The following CNTNAP2 variants were observed in gnomAD, a reference collection of about 807,000 sequenced individuals.
The protein encoded by CNTNAP2 is contactin associated protein 2.
Under a neutral mutation model 155.2 loss-of-function variants are expected in CNTNAP2, and 98 were observed. The ratio of observed to expected loss-of-function variants is 0.63; its 90% CI spans 0.54 to 0.75. The LOEUF (loss-of-function observed/expected upper bound fraction) is 0.75. Ranked by LOEUF, CNTNAP2 falls within the 30% of genes least tolerant of loss-of-function variation. CNTNAP2 has a pLI of 0.00. For synonymous variants in CNTNAP2, 651 were observed against 631.2 expected, an observed-to-expected ratio of 1.03 and a Z score of -0.47; for missense variants, 1,727 against 1,688.1, an observed-to-expected ratio of 1.02 and a Z score of -0.40.
intron 12 of CNTNAP2, among the ~76,000 whole-genome samples, chr7:147,604,751 C>A (rs914163646): frequency 2.0e-5 from 3 of 152,154 alleles, no homozygotes; most frequent in Admixed American, 2.0e-4. Flanking sequence ...ACAAGGGGGT[C>A]ATGTTGTGTA....
chr7:147,935,826 T>C (rs1800597565), intron 14 of CNTNAP2, among the ~76,000 whole-genome samples: 1 of 152,232 alleles, frequency 6.6e-6, no homozygotes, highest in Non-Finnish European at 1.5e-5. Flanking sequence ...AACAACTATA[T>C]GTTTACTCTC....
At chr7:146,337,004 C>A (rs7794540) in intron 1 of CNTNAP2, among the ~76,000 whole-genome samples, 40,343 of 152,044 alleles carry the variant, frequency 0.27, 12,998 homozygotes, top group African/African-American at 0.77. Context: ...GTGCCTATAC[C>A]TTACACATGT....
intron 1 of CNTNAP2, among the ~76,000 whole-genome samples, chr7:146,185,738 C>G (rs1417131427): frequency 6.7e-6 from 1 of 149,884 alleles, no homozygotes; most frequent in Non-Finnish European, 1.5e-5. Context: ...ATATTATTTT[C>G]AGGGAGTGAA....
intron 9 of CNTNAP2, among the ~76,000 whole-genome samples, chr7:147,391,585 G>T (rs532747431): frequency 1.3e-5 from 2 of 151,974 alleles, no homozygotes; most frequent in African/African-American, 4.8e-5. Context: ...ATTATATAAA[G>T]ATAAGCTCCC....
Position 146,729,614 on chromosome 7 carries a change from AATATAG to A in CNTNAP2, c.98-44639_98-44634del, listed in dbSNP as rs528318510. ...GTATTTCTACCAGATGTGTGTATTA[AATATAG>A]ATATAGATATAGATATAATAAAACA... On this transcript the variant is annotated intron_variant, in intron 1 of 23. Transcript: ENST00000361727. Among the ~76,000 whole-genome samples, 56 of 152,080 alleles carry A rather than the reference AATATAG, an allele frequency of 3.7e-4. 1 individual carries two copies. Among genetic ancestry groups the A allele is most frequent in the South Asian group, 1.5e-3 (7 of 4,820 alleles).
In CNTNAP2 at chr7:146,237,733, T is replaced by C. The variant is rs149772366; in HGVS notation, c.97+120760T>C. On this transcript the variant is annotated intron_variant, in intron 1 of 23. Transcript: ENST00000361727. Reference sequence around the variant, plus strand: ...CCATAAATTTCTGATATGAAATACATTTAAGAAATACCAATATGAGGGCAA... The same window carrying C: ...CCATAAATTTCTGATATGAAATACACTTAAGAAATACCAATATGAGGGCAA... 2.2e-3 allele frequency among the ~76,000 whole-genome samples: 326 copies of C among 151,234 alleles called. 6 individuals carry two copies. Among genetic ancestry groups the C allele is most frequent in the African/African-American group, 5.6e-3 (230 of 40,878 alleles).
intron 1 of CNTNAP2, among the ~76,000 whole-genome samples, chr7:146,457,542 C>G (rs1174807256): frequency 9.0e-6 from 1 of 110,926 alleles, no homozygotes; most frequent in Non-Finnish European, 1.8e-5. Context: ...ATATAGTCAC[C>G]CAGGCTGGAG....
chr7:146,960,149 A>G (rs191435514), intron 3 of CNTNAP2, among the ~76,000 whole-genome samples: 1 of 152,044 alleles, frequency 6.6e-6, no homozygotes, highest in Non-Finnish European at 1.5e-5. Context: ...AGTTCTCCTA[A>G]CTTATGCCAT....
intron 1 of CNTNAP2, among the ~76,000 whole-genome samples, chr7:146,507,182 C>T (rs1362534226): frequency 1.3e-5 from 2 of 152,170 alleles, no homozygotes; most frequent in Non-Finnish European, 2.9e-5. Flanking sequence ...CCCTTCCTGT[C>T]ACACTCTCAC....
intron 9 of CNTNAP2, among the ~76,000 whole-genome samples, chr7:147,346,510 C>T (rs2116869525): frequency 6.6e-6 from 1 of 152,290 alleles, no homozygotes; most frequent in East Asian, 1.9e-4. Flanking sequence ...CAATCCTATT[C>T]TTTCTGGCTA....
chr7:147,667,818 A>T (rs7806108), intron 13 of CNTNAP2, among the ~76,000 whole-genome samples: 3,757 of 146,800 alleles, frequency 0.026, 166 homozygotes, highest in African/African-American at 0.095. Flanking sequence ...TAATAAAAAA[A>T]ATAAAATAAA....
At chr7:147,132,992 G>A (rs987846232) in intron 8 of CNTNAP2, among the ~76,000 whole-genome samples, 2 of 151,950 alleles carry the variant, frequency 1.3e-5, no homozygotes, top group Middle Eastern at 3.2e-3. Flanking sequence ...GCAAATGGTT[G>A]GAAAAGAAAA....
chr7:146,618,292 ATTG>A (rs1387173254), intron 1 of CNTNAP2, among the ~76,000 whole-genome samples: 1 of 152,208 alleles, frequency 6.6e-6, no homozygotes, highest in Non-Finnish European at 1.5e-5. Flanking sequence ...TTACAAAATT[ATTG>A]TTGATTTACA....
At chr7:148,398,151 C>G (rs767805719) in intron 22 of CNTNAP2, among the ~76,000 whole-genome samples, 2 of 152,202 alleles carry the variant, frequency 1.3e-5, no homozygotes, top group African/African-American at 4.8e-5. Context: ...CCCATGCCCC[C>G]CTTCTAACCG....
At chr7:146,941,301 A>G (rs1207959203) in intron 3 of CNTNAP2, among the ~76,000 whole-genome samples, 2 of 152,084 alleles carry the variant, frequency 1.3e-5, no homozygotes, top group Non-Finnish European at 2.9e-5. Context: ...AGCTTGCAAA[A>G]GTCATCTTAC....
intron 1 of CNTNAP2, among the ~76,000 whole-genome samples, chr7:146,617,069 G>C (rs1371155163): frequency 6.6e-6 from 1 of 152,090 alleles, no homozygotes; most frequent in Non-Finnish European, 1.5e-5. Context: ...GCCCAGGCTG[G>C]AGTGCAGTGG....
chr7:147,584,185 A>G (rs1800573544), intron 12 of CNTNAP2, among the ~76,000 whole-genome samples: 1 of 152,210 alleles, frequency 6.6e-6, no homozygotes, highest in South Asian at 2.1e-4. Context: ...CACAAAAGTG[A>G]TATAATTTTT....
intron 8 of CNTNAP2, among the ~76,000 whole-genome samples, chr7:147,279,002 T>C (rs1804968821): frequency 6.6e-6 from 1 of 151,458 alleles, no homozygotes; most frequent in Non-Finnish European, 1.5e-5. Flanking sequence ...TTGCTAGACA[T>C]AGCCAAAAAT....
rs369508603 is a variant in CNTNAP2 at position 146,464,187 on chromosome 7, G to GT, written c.98-310065dup. Reference sequence around the variant, plus strand: ...TGCTCAATGTCTTTCCTTTGAAACTGTTTTTTTTTTTTTTTTTTTGGCTCT... The same window carrying GT: ...TGCTCAATGTCTTTCCTTTGAAACTGTTTTTTTTTTTTTTTTTTTTGGCTCT... On this transcript the variant is annotated intron_variant, in intron 1 of 23. Transcript: ENST00000361727. Among the ~76,000 whole-genome samples, 550 of 91,538 alleles carry GT rather than the reference G, an allele frequency of 6.0e-3. 20 individuals are homozygous for GT. The highest frequency in any genetic ancestry group is 0.018 in the African/African-American group (474 of 26,946). The allele number at this position is 91,538 out of a possible 152,430, so 60.1% of individuals were successfully genotyped here. A position where few individuals can be genotyped will look rare whatever the true frequency, so the allele number is the denominator to read the frequency against.
Sources: gnomAD v4.1 joint callset for allele counts (sites outside exome capture counted in the v4.1 genomes callset) on GRCh38, gnomAD v4.1.1 for gene constraint, MANE v1.5 for transcripts, NCBI Gene and HGNC (gene_info 2026-07-23, HGNC 2026-07-21) for gene names.